SARM1: variants seen among roughly 807,000 people sequenced by gnomAD.
The protein encoded by SARM1 is sterile alpha and TIR motif containing 1.
A neutral mutation model predicts 65.1 loss-of-function variants in SARM1; 60 were observed. The observed-to-expected ratio is 0.92, with a 90% CI of 0.75 to 1.14. The LOEUF (loss-of-function observed/expected upper bound fraction) is 1.14, where lower values mean the gene tolerates loss of function less well. Ranked by LOEUF, SARM1 falls within the 50% of genes most tolerant of loss-of-function variation. The probability of loss-of-function intolerance (pLI) is 0.00; values close to 1 mark genes in which losing one functional copy is unlikely to be tolerated. For synonymous variants in SARM1, 417 were observed against 465.4 expected (o/e 0.90, Z 1.34); for missense variants, 913 against 1,015.7 (o/e 0.90, Z 1.37).
At chr17:28,376,403 CAAAAAA>C (rs58695374) in intron 1 of SARM1, among the ~76,000 whole-genome samples, 1 of 84,012 alleles carries the variant, frequency 1.2e-5, no homozygotes, top group Non-Finnish European at 2.2e-5. Context: ...ACTAAAAATA[CAAAAAA>C]AAAAAAAAAA....
chr17:28,384,608 G>T lies in SARM1; in HGVS notation c.1302+39G>T. The T allele has an allele frequency of 6.5e-7, 1 of 1,527,996 alleles. No individual in the cohort carries two copies. The highest frequency in any genetic ancestry group is 8.8e-7 in the Non-Finnish European group (1 of 1,131,118). The allele number at this position is 1,527,996 out of a possible 1,614,324, so 94.7% of individuals were successfully genotyped here. On this transcript the variant is annotated intron_variant, in intron 3 of 8. Transcript: ENST00000585482. The surrounding 1 kb of genome is among the most constrained non-coding windows in gnomAD (Gnocchi z 4.4). ...GGATACGCCTCCCCCGAGTCAGAGC[G>T]GGCGCCCTGTGCACAGGGACTGCGT... is the stretch of plus-strand genomic sequence containing the variant.
In SARM1 at chr17:28,399,887, T is replaced by A; in HGVS notation, c.*3601T>A. 1 of 652,888 alleles carries A rather than the reference T, an allele frequency of 1.5e-6. No individual in the cohort carries two copies. Among genetic ancestry groups the A allele is most frequent in the Non-Finnish European group, 2.7e-6 (1 of 371,130 alleles). The allele number at this position is 652,888 out of a possible 1,614,324, so 40.4% of individuals were successfully genotyped here. A position where few individuals can be genotyped will look rare whatever the true frequency, so the allele number is the denominator to read the frequency against. On this transcript the variant is annotated 3_prime_UTR_variant, in exon 9 of 9. Coordinates refer to ENST00000585482, the MANE Select transcript of SARM1 (RefSeq NM_015077.4). ...AGGACAATATCCAGGGACATGGCTC[T>A]GGAAAATAACTTTTTTTTTTTTAAG...
intron 1 of SARM1, among the ~76,000 whole-genome samples, chr17:28,380,949 G>A (rs1391089450): frequency 6.6e-6 from 1 of 152,186 alleles, no homozygotes; most frequent in African/African-American, 2.4e-5. Context: ...GAGGCTCTTA[G>A]CCACCACACA....
Position 28,384,401 on chromosome 17 carries a change from T to A in SARM1, c.1134T>A (p.Val378=). The A allele has an allele frequency of 6.2e-7, 1 of 1,611,320 alleles. No individual in the cohort carries two copies. Among genetic ancestry groups the A allele is most frequent in the Non-Finnish European group, 8.5e-7 (1 of 1,178,486 alleles). The change falls in exon 3 of 9, where the codon GTT becomes GTA. Residue 378 remains valine, a synonymous_variant. Transcript: ENST00000585482. This position sits in a 1 kb window ranked among gnomAD's most constrained non-coding sequence, Gnocchi z 4.4. ...IGAIQSLKRL[V]SYSTNGTKSA... ...CCATCCAGAGCCTGAAACGCCTGGT[T>A]TCCTACTCTACCAATGGCACTAAGT...
rs1197228339 is a variant in SARM1 at position 28,372,027 on chromosome 17, G to A, written c.-6G>A. 2 of 1,488,622 alleles carry A rather than the reference G, an allele frequency of 1.3e-6. No homozygotes were observed. Among genetic ancestry groups the A allele is most frequent in the Non-Finnish European group, 1.8e-6 (2 of 1,125,588 alleles). 92.2% of individuals were successfully genotyped at this position (1,488,622 alleles called of 1,614,324 possible). On this transcript the variant is annotated 5_prime_UTR_variant, in exon 1 of 9. Coordinates refer to ENST00000585482, the MANE Select transcript of SARM1 (RefSeq NM_015077.4). This position sits in a 1 kb window ranked among gnomAD's most constrained non-coding sequence, Gnocchi z 5.2. ...GGCCGGGGATGTCCCCCGCGGCCCC[G>A]CGCCCATGGTCCTGACGCTGCTTCT...
chr17:28,391,258 C>T (rs1555586825), intron 7 of SARM1, among the ~76,000 whole-genome samples: 1 of 152,178 alleles, frequency 6.6e-6, no homozygotes, highest in Non-Finnish European at 1.5e-5. Flanking sequence ...TTTTCTTCCC[C>T]CATGAATAGC....
At chr17:28,377,395 G>A (rs2067998470) in intron 1 of SARM1, among the ~76,000 whole-genome samples, 1 of 152,164 alleles carries the variant, frequency 6.6e-6, no homozygotes, top group East Asian at 1.9e-4. Context: ...TTTGAGACCA[G>A]CCTGGGCAAT....
chr17:28,388,121 A>G (rs1327761287), intron 5 of SARM1, 53 bp from the exon 6 acceptor site: 15 of 1,270,580 alleles, frequency 1.2e-5, no homozygotes, highest in Non-Finnish European at 1.7e-5. Context: ...TATACCTGAC[A>G]GTGAGTGATG....
Position 28,384,521 on chromosome 17 carries a change from G to A in SARM1, c.1254G>A (p.Gln418=), listed in dbSNP as rs1194545365. 6.2e-7 allele frequency: 1 copy of A among 1,613,074 alleles called. No individual in the cohort carries two copies. Among genetic ancestry groups the A allele is most frequent in the African/African-American group, 1.3e-5 (1 of 74,936 alleles). ...SVPSWKEAEV[Q]TWLQQIGFSK... ...CCAGCTGGAAGGAGGCCGAGGTTCA[G>A]ACGTGGCTGCAGCAGATCGGTTTCT... The change falls in exon 3 of 9, where the codon CAG becomes CAA. Residue 418 remains glutamine, a synonymous_variant. Coordinates refer to ENST00000585482, the MANE Select transcript of SARM1 (RefSeq NM_015077.4). The surrounding 1 kb of genome is among the most constrained non-coding windows in gnomAD (Gnocchi z 4.4).
intron 1 of SARM1, among the ~76,000 whole-genome samples, 194 bp from the exon 2 acceptor site, chr17:28,381,009 T>G (rs2068019726): frequency 6.6e-6 from 1 of 151,896 alleles, no homozygotes; most frequent in East Asian, 1.9e-4. Flanking sequence ...ATGGCCAGAA[T>G]AGAGCACCCT....
rs1555589018 is a variant in SARM1 at position 28,399,539 on chromosome 17, C to T, written c.*3253C>T. On this transcript the variant is annotated 3_prime_UTR_variant, in exon 9 of 9. Coordinates refer to ENST00000585482, the MANE Select transcript of SARM1 (RefSeq NM_015077.4). ...TCTTGACTACCTCGTCCAAAGAGAGCACTGCCCTTAGACAAGAGTTGCTTG... is the reference window on the plus strand; with the variant it reads ...TCTTGACTACCTCGTCCAAAGAGAGTACTGCCCTTAGACAAGAGTTGCTTG... The T allele has an allele frequency of 3.9e-6, 4 of 1,019,758 alleles. No homozygotes were observed. Among genetic ancestry groups the T allele is most frequent in the Non-Finnish European group, 4.5e-6 (3 of 666,350 alleles). The allele number at this position is 1,019,758 out of a possible 1,614,324, so 63.2% of individuals were successfully genotyped here. A position where few individuals can be genotyped will look rare whatever the true frequency, so the allele number is the denominator to read the frequency against.
In SARM1 at chr17:28,371,896, G is replaced by A; in HGVS notation, c.-137G>A. 2 of 597,132 alleles carry A rather than the reference G, an allele frequency of 3.3e-6. No homozygotes were observed. Among genetic ancestry groups the A allele is most frequent in the Non-Finnish European group, 5.3e-6 (2 of 378,184 alleles). The allele number at this position is 597,132 out of a possible 1,614,324, so 37.0% of individuals were successfully genotyped here. A position where few individuals can be genotyped will look rare whatever the true frequency, so the allele number is the denominator to read the frequency against. ...CCCCAAACTTCTGACCGGCACCCTT[G>A]CCTGGTACCCTTCTCTCCATTCCTC... On this transcript the variant is annotated 5_prime_UTR_variant, in exon 1 of 9. Transcript: ENST00000585482.
chr17:28,383,108 T>C lies in SARM1; in HGVS notation c.1090-1249T>C, dbSNP rs1014456186. Among the ~76,000 whole-genome samples, 19 of 152,286 alleles carry C rather than the reference T, an allele frequency of 1.2e-4. No individual in the cohort carries two copies. The East Asian group carries it at 3.3e-3, about 26-fold the overall frequency. On this transcript the variant is annotated intron_variant, in intron 2 of 8. Coordinates refer to ENST00000585482, the MANE Select transcript of SARM1 (RefSeq NM_015077.4). Reference sequence around the variant, plus strand: ...GAGACTGCTGGCTGGGTGAGGTGGTTCATGCCTGTAATCCCAGCACTTTGG... The same window carrying C: ...GAGACTGCTGGCTGGGTGAGGTGGTCCATGCCTGTAATCCCAGCACTTTGG...
intron 1 of SARM1, among the ~76,000 whole-genome samples, chr17:28,374,970 CAAAAAAAAA>C (rs35032822): frequency 2.8e-5 from 2 of 70,444 alleles, no homozygotes; most frequent in African/African-American, 5.2e-5. Context: ...CAGACCTTGT[CAAAAAAAAA>C]AAAAAAAAAA....
chr17:28,379,210 G>A (rs981759108), intron 1 of SARM1, among the ~76,000 whole-genome samples: 2 of 151,658 alleles, frequency 1.3e-5, no homozygotes, highest in Non-Finnish European at 2.9e-5. Flanking sequence ...AGTGGTCAGG[G>A]ACAAAGGAGA....
chr17:28,390,238 C>G (rs949839477), intron 7 of SARM1, among the ~76,000 whole-genome samples: 25 of 151,996 alleles, frequency 1.6e-4, no homozygotes, highest in African/African-American at 6.0e-4. Context: ...GACCTGGGAT[C>G]AATAGAAAGG....
At position 28,381,773 on chromosome 17, in the gene SARM1, C is replaced by CT; in HGVS notation, c.1042dup (p.Tyr348LeufsTer39). 1 of 1,475,164 alleles carries CT rather than the reference C, an allele frequency of 6.8e-7. No individual in the cohort carries two copies. Among genetic ancestry groups the CT allele is most frequent in the Non-Finnish European group, 9.0e-7 (1 of 1,112,810 alleles). The allele number at this position is 1,475,164 out of a possible 1,614,324, so 91.4% of individuals were successfully genotyped here. On this transcript the variant is annotated frameshift_variant, in exon 2 of 9. Coordinates refer to ENST00000585482, the MANE Select transcript of SARM1 (RefSeq NM_015077.4). LOFTEE classifies it high-confidence loss of function. ...TGGAGGCGCAGTGCATCGGGGCTTT[C>CT]TACCTCTGCGCCGAGGCTGCCATCA...
chr17:28,382,614 G>T (rs949014635), intron 2 of SARM1, among the ~76,000 whole-genome samples: 2 of 152,134 alleles, frequency 1.3e-5, no homozygotes, highest in Non-Finnish European at 2.9e-5. Context: ...CCCTCTCTAG[G>T]CCTCTATCTG....
intron 1 of SARM1, among the ~76,000 whole-genome samples, chr17:28,376,516 C>T (rs1019588126): frequency 6.6e-6 from 1 of 151,380 alleles, no homozygotes; most frequent in South Asian, 2.1e-4. Context: ...GAGGTTGCAG[C>T]GAGCTGAGAT....
Sources: gnomAD v4.1 joint callset for allele counts (sites outside exome capture counted in the v4.1 genomes callset) on GRCh38, gnomAD v4.1.1 for gene constraint, Gnocchi (gnomAD v3.1) non-coding constraint, MANE v1.5 for transcripts, NCBI Gene and HGNC (gene_info 2026-07-23, HGNC 2026-07-21) for gene names.